ZNF512: variants seen among roughly 807,000 people sequenced by gnomAD.
ZNF512 encodes zinc finger protein 512.
ZNF512 carries 25 observed loss-of-function variants against 77.5 expected under a neutral mutation model. The ratio of observed to expected loss-of-function variants is 0.32; its 90% confidence interval spans 0.23 to 0.45. The LOEUF (loss-of-function observed/expected upper bound fraction) is 0.45. Ranked by LOEUF, ZNF512 falls within the 20% of genes least tolerant of loss-of-function variation. ZNF512 has a pLI of 1.00. For synonymous variants in ZNF512, 246 were observed against 239.9 expected, an observed-to-expected ratio of 1.03 and a Z score of -0.24; for missense variants, 483 against 692.6, an observed-to-expected ratio of 0.70 and a Z score of 3.40.
intron 9 of ZNF512, among the ~76,000 whole-genome samples, chr2:27,606,203 G>T (rs1396413981): frequency 6.6e-6 from 1 of 151,712 alleles, no homozygotes; most frequent in African/African-American, 2.4e-5. Context: ...TATATTCTGG[G>T]TTTTTTTATC....
intron 10 of ZNF512, among the ~76,000 whole-genome samples, chr2:27,608,398 C>T (rs748272046): frequency 2.0e-4 from 30 of 152,148 alleles, no homozygotes; most frequent in Non-Finnish European, 4.1e-4. Flanking sequence ...CAGAACTCCT[C>T]TCCCCCGCTT....
rs1262412304 is a variant in ZNF512 at position 27,621,498 on chromosome 2, T to G, written c.*37T>G. 1 of 1,562,416 alleles carries G rather than the reference T, an allele frequency of 6.4e-7. No homozygotes were observed. Among genetic ancestry groups the G allele is most frequent in the Non-Finnish European group, 8.6e-7 (1 of 1,159,870 alleles). ...AAAAGTGCTCCTAGGAAAGCAGATG[T>G]GATGCTGTTGTCACGGGGACCTGTG... On this transcript the variant is annotated 3_prime_UTR_variant, in exon 14 of 14. Transcript: ENST00000355467.
Position 27,600,831 on chromosome 2 carries a change from G to A in ZNF512, c.582+16G>A, listed in dbSNP as rs750874750. ...CTGCAAGCAGGTTAGATATTTTGGC[G>A]TTTCATAACTGTTACGATATTTTTA... On this transcript the variant is annotated intron_variant, in intron 6 of 13. Transcript: ENST00000355467. 19 of 1,604,116 alleles carry A rather than the reference G, an allele frequency of 1.2e-5. No individual in the cohort carries two copies. The highest frequency in any genetic ancestry group is 6.7e-5 in the African/African-American group (5 of 74,330).
Position 27,583,103 on chromosome 2 carries a change from A to T in ZNF512, c.-10A>T. ...CCTTGGGTGAAATTGTTAGGCGTGG[A>T]GAGGGAGTGATGTCTTCCAGACTCG... On this transcript the variant is annotated 5_prime_UTR_variant, in exon 1 of 14. Coordinates refer to ENST00000355467, the MANE Select transcript of ZNF512 (RefSeq NM_032434.4). The T allele has an allele frequency of 6.2e-7, 1 of 1,613,782 alleles. No homozygotes were observed. Among genetic ancestry groups the T allele is most frequent in the Non-Finnish European group, 8.5e-7 (1 of 1,179,972 alleles).
chr2:27,615,353 T>C (rs1405406653), intron 11 of ZNF512, 84 bp downstream of exon 11: 6 of 832,432 alleles, frequency 7.2e-6, no homozygotes, highest in Non-Finnish European at 1.8e-6. Flanking sequence ...CATGACAAAG[T>C]ACCTGAACCT....
At chr2:27,614,458 T>A (rs995323579) in intron 10 of ZNF512, among the ~76,000 whole-genome samples, 1 of 152,206 alleles carries the variant, frequency 6.6e-6, no homozygotes, top group Non-Finnish European at 1.5e-5. Flanking sequence ...TTTAGAATTT[T>A]AAAAATACCA....
chr2:27,586,206 A>G (rs1016899122), intron 2 of ZNF512, among the ~76,000 whole-genome samples: 5 of 130,552 alleles, frequency 3.8e-5, no homozygotes, highest in African/African-American at 1.5e-4. Context: ...TGTTGGTACC[A>G]TCAAGTCTTT....
At chr2:27,598,742 A>G (rs548363724) in intron 3 of ZNF512, among the ~76,000 whole-genome samples, 9 of 152,196 alleles carry the variant, frequency 5.9e-5, no homozygotes, top group African/African-American at 2.2e-4. Flanking sequence ...ATGAACTGCT[A>G]TGTGATAGAG....
chr2:27,598,344 T>G (rs1671963155), intron 3 of ZNF512, 90 bp downstream of exon 3: 1 of 1,390,862 alleles, frequency 7.2e-7, no homozygotes. Context: ...AAGTATTAAA[T>G]GGCGGCTGAG....
At position 27,615,208 on chromosome 2, in the gene ZNF512, A is replaced by G; in HGVS notation, c.1172A>G (p.Glu391Gly). 6.2e-7 allele frequency: 1 copy of G among 1,607,902 alleles called. No individual in the cohort carries two copies. The highest frequency in any genetic ancestry group is 8.5e-7 in the Non-Finnish European group (1 of 1,177,026). ...CCAGGGCTCCCTACCTTCAGCCAGGAAGTACTACATAAATGGAAGACAGAT... is the reference window on the plus strand; with the variant it reads ...CCAGGGCTCCCTACCTTCAGCCAGGGAGTACTACATAAATGGAAGACAGAT... ...TRPGLPTFSQ[E>G]VLHKWKTDIK... The change falls in exon 11 of 14, where the codon GAA (glutamate) becomes GGA (glycine). Residue 391 changes from glutamate (E) to glycine (G), a missense_variant. Transcript: ENST00000355467.
At chr2:27,608,709 A>G (rs1175427421) in intron 10 of ZNF512, among the ~76,000 whole-genome samples, 1 of 152,168 alleles carries the variant, frequency 6.6e-6, no homozygotes, top group Non-Finnish European at 1.5e-5. Context: ...TTGAAGGGAT[A>G]CATAATAAGA....
chr2:27,600,935 A>G, intron 6 of ZNF512, 120 bp downstream of exon 6: 1 of 1,300,094 alleles, frequency 7.7e-7, no homozygotes, highest in Non-Finnish European at 1.0e-6. Flanking sequence ...AATAAAGGAA[A>G]CATAGGCTTT....
intron 13 of ZNF512, 61 bp downstream of exon 13, chr2:27,617,632 C>G (rs1268975222): frequency 1.3e-6 from 1 of 780,564 alleles, no homozygotes; most frequent in Non-Finnish European, 2.4e-6. Context: ...AGACTTTGTC[C>G]CTATTGTTAT....
At chr2:27,617,708 T>C (rs1447346055) in intron 13 of ZNF512, 137 bp downstream of exon 13, 2 of 577,486 alleles carry the variant, frequency 3.5e-6, no homozygotes, top group Non-Finnish European at 6.3e-6. Context: ...TAAAATATTC[T>C]CTAAACTTAG....
chr2:27,583,123 GA>G lies in ZNF512; in HGVS notation c.12del (p.Arg4SerfsTer34). 6.2e-7 allele frequency: 1 copy of G among 1,614,064 alleles called. No homozygotes were observed. On this transcript the variant is annotated frameshift_variant, in exon 1 of 14. Coordinates refer to ENST00000355467, the MANE Select transcript of ZNF512 (RefSeq NM_032434.4). LOFTEE classifies it high-confidence loss of function. MSSRLGAVPATSGP... is the reference protein window; with the variant it reads MSSXLGAVPATSGP... ...CGTGGAGAGGGAGTGATGTCTTCCA[GA>G]CTCGGTGCTGTACCCGCCGTGAGTT...
rs773032857 is a variant in ZNF512 at position 27,599,940 on chromosome 2, G to A, written c.374-30G>A. The A allele has an allele frequency of 3.7e-6, 6 of 1,613,172 alleles. No individual in the cohort carries two copies. The Admixed American group carries it at 1.0e-4, about 27-fold the overall frequency. ...ATTTTGGTATTAGCAAGGGTGACAT[G>A]CTGGGCTTCAAGTTTCTGTCTTATG... On this transcript the variant is annotated intron_variant, in intron 4 of 13. Transcript: ENST00000355467.
At chr2:27,617,374 GT>G in intron 12 of ZNF512, 98 bp from the exon 13 acceptor site, 1 of 685,950 alleles carries the variant, frequency 1.5e-6, no homozygotes. Context: ...CTTTGCTGAA[GT>G]AGAATTCCCT....
chr2:27,588,688 G>T (rs1671442962), intron 2 of ZNF512, among the ~76,000 whole-genome samples: 1 of 151,830 alleles, frequency 6.6e-6, no homozygotes, highest in South Asian at 2.1e-4. Flanking sequence ...AAATTGTTTT[G>T]GTTATTCTCA....
intron 9 of ZNF512, among the ~76,000 whole-genome samples, chr2:27,606,304 T>G (rs1487724024): frequency 6.6e-6 from 1 of 152,132 alleles, no homozygotes; most frequent in African/African-American, 2.4e-5. Context: ...ATTTTTTCAT[T>G]TATGGATAAT....
Sources: gnomAD v4.1 joint callset for allele counts (sites outside exome capture counted in the v4.1 genomes callset) on GRCh38, gnomAD v4.1.1 for gene constraint, MANE v1.5 for transcripts, NCBI Gene and HGNC (gene_info 2026-07-23, HGNC 2026-07-21) for gene names.